The following NHSL1 variants were observed in gnomAD, a reference collection of about 807,000 sequenced individuals.
The protein encoded by NHSL1 is NHS-like protein 1.
A neutral mutation model predicts 95.0 loss-of-function variants in NHSL1; 48 were observed. The ratio of observed to expected loss-of-function variants is 0.51; its 90% CI spans 0.40 to 0.64. The LOEUF is 0.64. NHSL1 is among the 30% of genes least tolerant of loss of function. The pLI, the probability that NHSL1 is intolerant of heterozygous loss-of-function variation, is 0.00. For missense variants in NHSL1, 1,971 were observed against 2,077.7 expected (o/e 0.95, Z 1.00); for synonymous variants, 783 against 833.9 (o/e 0.94, Z 1.05).
Position 138,583,607 on chromosome 6 carries a change from T to C in NHSL1, c.97-87236A>G, listed in dbSNP as rs1385198723. 2.0e-5 allele frequency among the ~76,000 whole-genome samples: 3 copies of C among 152,208 alleles called. No homozygotes were observed. In the East Asian group the frequency reaches 5.8e-4, roughly 29 times the overall value. On this transcript the variant is annotated intron_variant, in intron 1 of 3. Coordinates refer to the NHSL1 transcript ENST00000491526. ...GAAAGAACTGAGGCTTCTGTCACTG[T>C]GTGCCCAGGACCCGGCATACAGTAA...
At chr6:138,632,898 G>C (rs1336736288) in intron 1 of NHSL1, among the ~76,000 whole-genome samples, 1 of 152,134 alleles carries the variant, frequency 6.6e-6, no homozygotes, top group Non-Finnish European at 1.5e-5. Flanking sequence ...TGGAGAAAGA[G>C]ATATGTGACC....
rs115565031 is a variant in NHSL1, at chr6:138,489,504, C to T, written c.211+6715G>A. Among the ~76,000 whole-genome samples, 379 of 152,164 alleles carry T rather than the reference C, an allele frequency of 2.5e-3. 3 individuals are homozygous for T. Among genetic ancestry groups the T allele is most frequent in the African/African-American group, 8.7e-3 (361 of 41,526 alleles). On this transcript the variant is annotated intron_variant, in intron 2 of 7. Coordinates refer to ENST00000343505, the MANE Select transcript of NHSL1 (RefSeq NM_001144060.2). The stretch of plus-strand genomic sequence containing the variant: ...GAAGATGGCTGGGTGTGGAGGCTCA[C>T]GCCTGTAATGCCAGCACTTTGGGAG...
intron 1 of NHSL1, among the ~76,000 whole-genome samples, chr6:138,514,502 G>A (rs896234897): frequency 6.6e-6 from 1 of 152,170 alleles, no homozygotes; most frequent in Admixed American, 6.5e-5. Flanking sequence ...CCACGATAAA[G>A]TTTCATTTAT....
intron 1 of NHSL1, among the ~76,000 whole-genome samples, chr6:138,681,868 T>C (rs1220666736): frequency 1.3e-5 from 2 of 152,356 alleles, no homozygotes; most frequent in Non-Finnish European, 2.9e-5. Flanking sequence ...GATAACACCT[T>C]TAACAATTTT....
chr6:138,575,528 A>G (rs55883774), upstream of NHSL1, among the ~76,000 whole-genome samples: 1,734 of 152,260 alleles, frequency 0.011, 12 homozygotes, highest in Non-Finnish European at 0.018. Flanking sequence ...TTGTATAATA[A>G]CCAATTCTCT....
At chr6:138,652,716 T>C (rs1441314274) in intron 1 of NHSL1, among the ~76,000 whole-genome samples, 2 of 152,002 alleles carry the variant, frequency 1.3e-5, no homozygotes, top group African/African-American at 4.8e-5. Context: ...AATACCTACC[T>C]CTAAAAGGGG....
rs554930024 is a variant in NHSL1 at position 138,431,622 on chromosome 6, C to T, written c.2723G>A (p.Ser908Asn). Residue 908 changes from serine to asparagine, a missense_variant, in exon 6 of 8, where the codon AGT becomes AAT. Transcript: ENST00000343505. The surrounding 1 kb of genome is among the most constrained non-coding windows in gnomAD (Gnocchi z 4.0). ...ISSSSTSLSS[S>N]TSTEGSGTMK... ...AGTGCCACTTCCTTCAGTAGAAGTA[C>T]TAGAAGAAAGAGAAGTGGACGATGA... 6.4e-7 allele frequency: 1 copy of T among 1,551,262 alleles called. No homozygotes were observed. The highest frequency in any genetic ancestry group is 8.7e-7 in the Non-Finnish European group (1 of 1,146,760).
At chr6:138,428,669 T>A (rs1162756521) in intron 7 of NHSL1, among the ~76,000 whole-genome samples, 1 of 152,244 alleles carries the variant, frequency 6.6e-6, no homozygotes, top group Non-Finnish European at 1.5e-5. Context: ...TACAGCACTA[T>A]GTTTTTCATC....
intron 1 of NHSL1, among the ~76,000 whole-genome samples, chr6:138,506,850 G>C (rs928371634): frequency 6.6e-5 from 10 of 152,122 alleles, no homozygotes; most frequent in Non-Finnish European, 1.2e-4. Flanking sequence ...TGATATGGCA[G>C]ATTAAAAAAA....
upstream of NHSL1, among the ~76,000 whole-genome samples, chr6:138,550,703 T>C (rs897368571): frequency 6.6e-6 from 1 of 152,208 alleles, no homozygotes; most frequent in African/African-American, 2.4e-5. Context: ...TTGATTTCCA[T>C]AAAATAGTGG....
intron 1 of NHSL1, among the ~76,000 whole-genome samples, chr6:138,650,052 C>T (rs1318295332): frequency 3.9e-5 from 6 of 152,100 alleles, no homozygotes; most frequent in African/African-American, 1.4e-4. Context: ...TCACCTCCAC[C>T]CAACTCCACA....
At chr6:138,452,229 A>G (rs1777283597) in intron 3 of NHSL1, among the ~76,000 whole-genome samples, 1 of 152,202 alleles carries the variant, frequency 6.6e-6, no homozygotes, top group Non-Finnish European at 1.5e-5. Context: ...AACAGGCAAC[A>G]CTGACAGTTA....
intron 2 of NHSL1, among the ~76,000 whole-genome samples, chr6:138,475,635 A>G (rs1048814694): frequency 6.6e-6 from 1 of 152,196 alleles, no homozygotes; most frequent in Non-Finnish European, 1.5e-5. Context: ...AAAAAATAAC[A>G]CTCAAGAATG....
At chr6:138,551,762 T>C (rs1423350675) in intron 1 of NHSL1, among the ~76,000 whole-genome samples, 6 of 152,158 alleles carry the variant, frequency 3.9e-5, no homozygotes, top group Non-Finnish European at 8.8e-5. Context: ...GTCTCCATTT[T>C]AGTGCCTTCA....
At chr6:138,484,007 C>T (rs1779577433) in intron 2 of NHSL1, among the ~76,000 whole-genome samples, 1 of 152,154 alleles carries the variant, frequency 6.6e-6, no homozygotes, top group Non-Finnish European at 1.5e-5. Context: ...TGGGCCTCTT[C>T]TCCCATCCAC....
At chr6:138,440,806 T>C (rs574062541) in intron 5 of NHSL1, among the ~76,000 whole-genome samples, 4 of 152,254 alleles carry the variant, frequency 2.6e-5, no homozygotes, top group Non-Finnish European at 5.9e-5. Context: ...TATATCACTA[T>C]TGCTGGTTAC....
At chr6:138,562,610 C>T (rs1282808933) in intron 1 of NHSL1, among the ~76,000 whole-genome samples, 3 of 151,842 alleles carry the variant, frequency 2.0e-5, no homozygotes, top group Non-Finnish European at 4.4e-5. Context: ...TGCAGTGAGC[C>T]GAGATCACAC....
intron 1 of NHSL1, among the ~76,000 whole-genome samples, chr6:138,551,353 A>G (rs10457671): frequency 0.28 from 43,190 of 152,034 alleles, 6,701 homozygotes; most frequent in Middle Eastern, 0.49. Context: ...GAAGCTTGTG[A>G]AGTTGGAGGA....
chr6:138,572,812 T>C (rs2114452756), upstream of NHSL1, among the ~76,000 whole-genome samples: 1 of 151,548 alleles, frequency 6.6e-6, no homozygotes, highest in Middle Eastern at 3.4e-3. Flanking sequence ...AAACCATACT[T>C]CTGAAACTAC....
Sources: gnomAD v4.1 joint callset for allele counts (sites outside exome capture counted in the v4.1 genomes callset) on GRCh38, gnomAD v4.1.1 for gene constraint, Gnocchi (gnomAD v3.1) non-coding constraint, MANE v1.5 for transcripts, NCBI Gene and HGNC (gene_info 2026-07-23, HGNC 2026-07-21) for gene names.